Variants in BAAT observed in about 807,000 individuals in gnomAD.
The protein encoded by BAAT is bile acid CoA: amino acid N-acyltransferase (glycine N-choloyltransferase).
BAAT carries 13 observed loss-of-function variants against 18.9 expected under a neutral mutation model. That is an observed-to-expected ratio of 0.69 (90% confidence interval 0.45 to 1.10). BAAT has a LOEUF of 1.10. BAAT is among the 50% of genes least tolerant of loss of function. The probability of loss-of-function intolerance (pLI) is 0.00; values close to 1 mark genes in which losing one functional copy is unlikely to be tolerated. For missense variants in BAAT, 489 were observed against 504.0 expected (o/e 0.97, Z 0.28); for synonymous variants, 170 against 190.7 (o/e 0.89, Z 0.89).
intron 1 of BAAT, among the ~76,000 whole-genome samples, chr9:101,380,922 T>A (rs1731429337): frequency 6.6e-6 from 1 of 151,352 alleles, no homozygotes; most frequent in Non-Finnish European, 1.5e-5. Context: ...CTGGCCAATT[T>A]TTTTGTGTTT....
intron 1 of BAAT, among the ~76,000 whole-genome samples, chr9:101,371,976 A>G (rs918084991): frequency 6.6e-6 from 1 of 152,208 alleles, no homozygotes; most frequent in Non-Finnish European, 1.5e-5. Context: ...CTATACAGCC[A>G]TGAAAAAATG....
chr9:101,376,216 C>A, intron 1 of BAAT: 1 of 176,500 alleles, frequency 5.7e-6, no homozygotes. Context: ...GTTTGCCTTC[C>A]TTTTTAACAC....
At chr9:101,374,301 C>T (rs899388992) in intron 1 of BAAT, among the ~76,000 whole-genome samples, 11 of 152,132 alleles carry the variant, frequency 7.2e-5, no homozygotes, top group African/African-American at 2.7e-4. Flanking sequence ...CCCTCTCCTC[C>T]AAGGCCCTAT....
chr9:101,381,919 T>C (rs1830139939), intron 1 of BAAT, among the ~76,000 whole-genome samples: 1 of 152,072 alleles, frequency 6.6e-6, no homozygotes, highest in African/African-American at 2.4e-5. Context: ...TACATGAGAG[T>C]CAGAAATGGA....
At chr9:101,374,238 T>A (rs1830002561) in intron 1 of BAAT, among the ~76,000 whole-genome samples, 1 of 152,222 alleles carries the variant, frequency 6.6e-6, no homozygotes, top group African/African-American at 2.4e-5. Context: ...AACTTGCTAC[T>A]TGCTCTCATG....
intron 3 of BAAT, among the ~76,000 whole-genome samples, chr9:101,364,036 C>T (rs1269069406): frequency 6.6e-6 from 1 of 152,082 alleles, no homozygotes; most frequent in East Asian, 1.9e-4. Context: ...AGAAAGTCAA[C>T]AAGAAGGAAT....
intron 1 of BAAT, among the ~76,000 whole-genome samples, chr9:101,382,876 C>CT (rs1455119245): frequency 2.6e-5 from 4 of 152,094 alleles, no homozygotes; most frequent in African/African-American, 4.8e-5. Context: ...CTTATACTTG[C>CT]TTTTTTTGGT....
intron 1 of BAAT, among the ~76,000 whole-genome samples, chr9:101,382,426 T>C (rs149805634): frequency 6.6e-6 from 1 of 152,234 alleles, no homozygotes; most frequent in East Asian, 1.9e-4. Flanking sequence ...CAGGGCACCA[T>C]GCATGTGGGT....
intron 1 of BAAT, chr9:101,375,432 C>G (rs891165391): frequency 1.5e-5 from 3 of 197,836 alleles, no homozygotes; most frequent in Non-Finnish European, 3.4e-5. Context: ...CATTCAAAGT[C>G]ATCTCTGTCT....
intron 2 of BAAT, 72 bp from the exon 3 acceptor site, chr9:101,368,394 A>G (rs1405878461): frequency 7.5e-7 from 1 of 1,333,682 alleles, no homozygotes; most frequent in Non-Finnish European, 1.1e-6. Context: ...GAAAATACAA[A>G]GCAGAAATAC....
At chr9:101,370,461 C>A (rs1160240517) in intron 2 of BAAT, among the ~76,000 whole-genome samples, 2 of 151,364 alleles carry the variant, frequency 1.3e-5, no homozygotes, top group Non-Finnish European at 2.9e-5. Flanking sequence ...ACTACAGGTG[C>A]CTGCTACCAC....
intron 3 of BAAT, among the ~76,000 whole-genome samples, chr9:101,366,055 G>A (rs975849132): frequency 6.6e-6 from 1 of 152,052 alleles, no homozygotes; most frequent in Non-Finnish European, 1.5e-5. Flanking sequence ...TCACCATGCT[G>A]TGCAACAGAT....
chr9:101,368,462 A>C, intron 2 of BAAT, 140 bp from the exon 3 acceptor site: 2 of 802,950 alleles, frequency 2.5e-6, no homozygotes, highest in Non-Finnish European at 3.8e-6. Flanking sequence ...AAACATGAGA[A>C]CACAAAGCAG....
At position 101,371,125 on chromosome 9, in the gene BAAT, T is replaced by C. The variant is rs781762178; in HGVS notation, c.280A>G (p.Arg94Gly). Residue 94 changes from arginine to glycine, a missense_variant, in exon 2 of 4, where the codon AGA becomes GGA. Arg to Gly is a moderately radical substitution (Grantham distance 125). Transcript: ENST00000259407. ...PEKLLTRLLK[R>G]DVMNRPFQVQ... The stretch of plus-strand genomic sequence containing the variant: ...TGGAAAGGCCTATTCATCACATCTC[T>C]TTTCAACAGTCTTGTTAATAGCTTT... 1 of 1,614,144 alleles carries C rather than the reference T, an allele frequency of 6.2e-7. No homozygotes were observed. Among genetic ancestry groups the C allele is most frequent in the Non-Finnish European group, 8.5e-7 (1 of 1,180,004 alleles).
rs1829767301 is a variant in BAAT, at chr9:101,363,106, T to C, written c.670-91A>G. ...ACAACCAAAGAACTTCACTGGCTAA[T>C]GAGAACAAAGCAAGTATTAATCCTA... On this transcript the variant is annotated intron_variant, in intron 3 of 3. Transcript: ENST00000259407. 1.8e-5 allele frequency: 22 copies of C among 1,241,500 alleles called. No individual in the cohort carries two copies. The South Asian group carries it at 2.6e-4, about 15-fold the overall frequency. 76.9% of individuals were successfully genotyped at this position (1,241,500 alleles called of 1,614,324 possible).
rs571184832 is a variant in BAAT, at chr9:101,362,509, TG to T, written c.1175del (p.Ala392GlufsTer23). The T allele has an allele frequency of 6.2e-7, 1 of 1,614,150 alleles. No individual in the cohort carries two copies. Among genetic ancestry groups the T allele is most frequent in the Non-Finnish European group, 8.5e-7 (1 of 1,180,020 alleles). On this transcript the variant is annotated frameshift_variant, in exon 4 of 4. Transcript: ENST00000259407. LOFTEE classifies it high-confidence loss of function. ...LHWGGEVIPH[A>X]AAQEHAWKEI... ...CCTTCCAAGCATGTTCCTGTGCAGC[TG>T]CGTGTGGGATCACCTCTCCTCCCCA... is the stretch of plus-strand genomic sequence containing the variant.
chr9:101,366,724 T>C (rs186890911), intron 3 of BAAT, among the ~76,000 whole-genome samples: 248 of 152,288 alleles, frequency 1.6e-3, no homozygotes, highest in African/African-American at 5.8e-3. Flanking sequence ...AAAATAGCCA[T>C]TTAAAATGTT....
Position 101,371,300 on chromosome 9 carries a change from T to G in BAAT, c.105A>C (p.Ser35=). The G allele has an allele frequency of 2.5e-6, 4 of 1,613,700 alleles. No homozygotes were observed. The highest frequency in any genetic ancestry group is 1.3e-5 in the African/African-American group (1 of 75,010). The stretch of plus-strand genomic sequence containing the variant: ...ACATGTCTCCGTTTTCATCTTCCAG[T>G]GATGCCTGAAAACTCACCATCTGAA... ...IPFQMVSFQA[S]LEDENGDMFY... is the part of the protein sequence containing the mutation. The change falls in exon 2 of 4, where the codon TCA becomes TCC. Residue 35 remains serine (S), a synonymous_variant. Coordinates refer to ENST00000259407, the MANE Select transcript of BAAT (RefSeq NM_001701.4).
chr9:101,377,424 C>T (rs144557551), intron 1 of BAAT, among the ~76,000 whole-genome samples: 3 of 152,290 alleles, frequency 2.0e-5, no homozygotes, highest in African/African-American at 2.4e-5. Flanking sequence ...GGCTCAACTC[C>T]TTGCTGGGAA....
Sources: allele counts gnomAD v4.1 joint callset (sites outside exome capture counted in the v4.1 genomes callset), GRCh38; gene constraint gnomAD v4.1.1; transcripts MANE v1.5; gene names NCBI Gene and HGNC (gene_info 2026-07-23, HGNC 2026-07-21).